The following HIBCH variants were observed in gnomAD, a reference collection of about 807,000 sequenced individuals.
The protein encoded by HIBCH is 3-hydroxyisobutyryl-CoA hydrolase, mitochondrial.
A neutral mutation model predicts 58.2 loss-of-function variants in HIBCH; 50 were observed. The observed-to-expected ratio is 0.86, with a 90% CI of 0.68 to 1.09. HIBCH has a LOEUF of 1.09. Ranked by LOEUF, HIBCH falls within the 50% of genes least tolerant of loss-of-function variation. The pLI is 0.00. For synonymous variants in HIBCH, 151 were observed against 146.9 expected (o/e 1.03, Z -0.20); for missense variants, 450 against 449.7 (o/e 1.00, Z -0.01).
chr2:190,195,422 C>T (rs986802724), intron 1 of HIBCH, among the ~76,000 whole-genome samples: 1 of 152,202 alleles, frequency 6.6e-6, no homozygotes, highest in Non-Finnish European at 1.5e-5. Flanking sequence ...GTAACCGTAC[C>T]ATTTTGCATT....
chr2:190,208,430 T>C (rs954654043), intron 13 of HIBCH, among the ~76,000 whole-genome samples: 2 of 152,308 alleles, frequency 1.3e-5, no homozygotes, highest in South Asian at 2.1e-4. Context: ...TCCATGATTG[T>C]AGGGGCAGGA....
chr2:190,239,458 T>C (rs1313935536), intron 11 of HIBCH, among the ~76,000 whole-genome samples: 1 of 152,186 alleles, frequency 6.6e-6, no homozygotes, highest in Admixed American at 6.5e-5. Context: ...GGCTCTATTT[T>C]GGTTCCATAT....
intron 6 of HIBCH, among the ~76,000 whole-genome samples, chr2:190,282,256 G>C (rs1476657141): frequency 1.3e-5 from 2 of 152,114 alleles, no homozygotes; most frequent in Non-Finnish European, 2.9e-5. Context: ...ACTGTAACAG[G>C]ATACACAGAC....
rs1575690645 is a variant in HIBCH, at chr2:190,205,230, A to G, written c.1048T>C (p.Leu350=). Residue 350 remains leucine, a splice_region_variant and synonymous_variant, in exon 14 of 14, where the codon TTA becomes CTA. Transcript: ENST00000359678. ...TTTGGACTCTGGTCTTTATCAATTA[A>G]AACTGTCAAGAGAAGATACAAATGT... ...HDFHEGVRAV[L]IDKDQSPKWK... 1 of 1,496,600 alleles carries G rather than the reference A, an allele frequency of 6.7e-7. No homozygotes were observed. The highest frequency in any genetic ancestry group is 9.3e-7 in the Non-Finnish European group (1 of 1,073,570). The allele number at this position is 1,496,600 out of a possible 1,614,324, so 92.7% of individuals were successfully genotyped here.
chr2:190,300,569 T>C (rs1230837445), intron 2 of HIBCH, among the ~76,000 whole-genome samples: 2 of 152,168 alleles, frequency 1.3e-5, no homozygotes, highest in African/African-American at 4.8e-5. Flanking sequence ...TGGACCTTTG[T>C]CAGATGCATA....
At chr2:190,227,750 A>G (rs1298434564) in intron 11 of HIBCH, among the ~76,000 whole-genome samples, 5 of 152,222 alleles carry the variant, frequency 3.3e-5, no homozygotes, top group Admixed American at 6.5e-5. Context: ...GGCAAAGGAT[A>G]TGAACAGCCA....
chr2:190,198,631 CAAAAAA>C (rs35125102), intron 1 of HIBCH, among the ~76,000 whole-genome samples: 28 of 70,588 alleles, frequency 4.0e-4, no homozygotes, highest in South Asian at 6.6e-4. Context: ...GACCCTGTCT[CAAAAAA>C]AAAAAAAAAA....
intron 6 of HIBCH, among the ~76,000 whole-genome samples, chr2:190,263,400 C>T (rs891650207): frequency 6.6e-6 from 1 of 152,110 alleles, no homozygotes; most frequent in Non-Finnish European, 1.5e-5. Flanking sequence ...ACCATACATT[C>T]CTGCTTTAAA....
At chr2:190,213,504 T>C (rs1181579694) in intron 11 of HIBCH, 3 of 184,796 alleles carry the variant, frequency 1.6e-5, no homozygotes, top group African/African-American at 7.2e-5. Flanking sequence ...AACAGGATAC[T>C]AGGCCCCTGC....
rs1686602656 is a variant in HIBCH, at chr2:190,246,185, T to C, written c.778A>G (p.Ile260Val). 6.3e-7 allele frequency: 1 copy of C among 1,595,226 alleles called. No individual in the cohort carries two copies. Among genetic ancestry groups the C allele is most frequent in the African/African-American group, 1.3e-5 (1 of 74,664 alleles). The change falls in exon 10 of 14, where the codon ATA (isoleucine) becomes GTA (valine). Residue 260 changes from isoleucine (I) to valine (V), a missense_variant. Coordinates refer to ENST00000359678, the MANE Select transcript of HIBCH (RefSeq NM_014362.4). ...ATTTTGTCCATGTGTTCCTCAAGTA[T>C]AAAAGACTTGTCTCGATCAATCTTA... ...ESKIDRDKSF[I>V]LEEHMDKINS...
At chr2:190,208,786 GA>G (rs1378788006) in intron 13 of HIBCH, 93 bp downstream of exon 13, 2 of 1,104,894 alleles carry the variant, frequency 1.8e-6, no homozygotes, top group Non-Finnish European at 2.7e-6. Flanking sequence ...TGGATTTTAG[GA>G]TTTGGGATGC....
chr2:190,261,123 A>G (rs765170069), intron 7 of HIBCH, 33 bp downstream of exon 7: 5 of 1,486,574 alleles, frequency 3.4e-6, no homozygotes, highest in Non-Finnish European at 4.7e-6. Context: ...GATGATGCTA[A>G]AAGTAATTAT....
intron 7 of HIBCH, among the ~76,000 whole-genome samples, chr2:190,258,084 T>C (rs1203043072): frequency 6.6e-6 from 1 of 152,032 alleles, no homozygotes; most frequent in African/African-American, 2.4e-5. Context: ...TGGTGGAAGG[T>C]GATTGGGTCA....
intron 1 of HIBCH, among the ~76,000 whole-genome samples, chr2:190,191,696 T>A (rs964111749): frequency 1.3e-5 from 2 of 152,222 alleles, no homozygotes; most frequent in African/African-American, 4.8e-5. Flanking sequence ...TGGCTGTAAT[T>A]TGCATTTCCC....
chr2:190,279,498 G>C lies in HIBCH; in HGVS notation c.438+8088C>G, dbSNP rs1687648059. On this transcript the variant is annotated intron_variant, in intron 6 of 13. Coordinates refer to ENST00000359678, the MANE Select transcript of HIBCH (RefSeq NM_014362.4). The surrounding 1 kb of genome is among the most constrained non-coding windows in gnomAD (Gnocchi z 4.2). ...ATCAAAACAAGTTATCTACTTCCAA[G>C]ATACAGTGGTAGGACAGGTATAGGG... is the stretch of plus-strand genomic sequence containing the variant. Among the ~76,000 whole-genome samples, 1 of 152,154 alleles carries C rather than the reference G, an allele frequency of 6.6e-6. No homozygotes were observed. The highest frequency in any genetic ancestry group is 1.5e-5 in the Non-Finnish European group (1 of 68,028).
In HIBCH at chr2:190,214,286, C is replaced by T. The variant is rs868643278; in HGVS notation, c.892-1211G>A. On this transcript the variant is annotated intron_variant, in intron 11 of 13. Coordinates refer to ENST00000359678, the MANE Select transcript of HIBCH (RefSeq NM_014362.4). The surrounding 1 kb of genome is among the most constrained non-coding windows in gnomAD (Gnocchi z 5.5). ...GGTATTGGGGCATTTTCAGAGAACC[C>T]GGAGTGTGCAAGAAACCTCCAGTAA... 2.0e-5 allele frequency: 3 copies of T among 152,100 alleles called. No homozygotes were observed. Among genetic ancestry groups the T allele is most frequent in the African/African-American group, 2.4e-5 (1 of 41,390 alleles). 9.4% of individuals were successfully genotyped at this position (152,100 alleles called of 1,614,324 possible).
At chr2:190,230,291 G>A (rs773939945) in intron 11 of HIBCH, among the ~76,000 whole-genome samples, 3 of 151,772 alleles carry the variant, frequency 2.0e-5, no homozygotes, top group Non-Finnish European at 4.4e-5. Flanking sequence ...GGAAGAGAGA[G>A]AGAAAAAAAA....
chr2:190,205,616 C>CG (rs1483403456), intron 13 of HIBCH, among the ~76,000 whole-genome samples: 1 of 152,082 alleles, frequency 6.6e-6, no homozygotes, highest in African/African-American at 2.4e-5. Context: ...GCAGAGGGAC[C>CG]AGATGTGCCT....
intron 6 of HIBCH, among the ~76,000 whole-genome samples, chr2:190,275,953 A>G (rs1457302538): frequency 6.6e-6 from 1 of 152,238 alleles, no homozygotes; most frequent in Non-Finnish European, 1.5e-5. Context: ...TGCAGACAAG[A>G]ACAGAGCTTT....
Sources: allele counts gnomAD v4.1 joint callset (sites outside exome capture counted in the v4.1 genomes callset), GRCh38; gene constraint gnomAD v4.1.1; non-coding constraint Gnocchi (gnomAD v3.1); transcripts MANE v1.5; gene names NCBI Gene and HGNC (gene_info 2026-07-23, HGNC 2026-07-21).